ARHGEF10: variants seen among roughly 807,000 people sequenced by gnomAD.
ARHGEF10 encodes the protein Rho guanine nucleotide exchange factor (GEF) 10.
A neutral mutation model predicts 147.4 loss-of-function variants in ARHGEF10; 140 were observed. That is an observed-to-expected ratio of 0.95 (90% CI 0.83 to 1.09). The LOEUF (loss-of-function observed/expected upper bound fraction) is 1.09, where lower values mean the gene tolerates loss of function less well. Among genes scored for constraint, ARHGEF10 ranks in the 50% least tolerant of loss-of-function variants. ARHGEF10 has a pLI of 0.00. For missense variants in ARHGEF10, 2,222 were observed against 1,752.7 expected, an observed-to-expected ratio of 1.27 and a Z score of -4.78; for synonymous variants, 902 against 695.8, an observed-to-expected ratio of 1.30 and a Z score of -4.67.
At chr8:1,932,986 A>G (rs968644361) in intron 25 of ARHGEF10, among the ~76,000 whole-genome samples, 3 of 152,242 alleles carry the variant, frequency 2.0e-5, no homozygotes, top group Non-Finnish European at 4.4e-5. Flanking sequence ...GGATAATTAC[A>G]TTAGTCACTT....
chr8:1,889,702 T>G (rs1239878375), intron 11 of ARHGEF10, among the ~76,000 whole-genome samples: 1 of 83,876 alleles, frequency 1.2e-5, no homozygotes, highest in Non-Finnish European at 2.3e-5. Context: ...GGGGTGAAGG[T>G]TTGTGAGGAG....
At chr8:1,885,209 C>A (rs1250977385) in intron 10 of ARHGEF10, among the ~76,000 whole-genome samples, 1 of 152,172 alleles carries the variant, frequency 6.6e-6, no homozygotes, top group Non-Finnish European at 1.5e-5. Context: ...AATGACTGTT[C>A]TTAGCCATTC....
rs557828480 is a variant in ARHGEF10 at position 1,925,481 on chromosome 8, T to C, written c.2610+77T>C. 221 of 1,588,006 alleles carry C rather than the reference T, an allele frequency of 1.4e-4. 3 individuals carry two copies. In the South Asian group the frequency reaches 2.3e-3, roughly 16 times the overall value. Reference sequence around the variant, plus strand: ...GAATGGGCCACTTGGGAGATGATTCTTAAGGGGCGTGGTCAGAACATGGTC... The same window carrying C: ...GAATGGGCCACTTGGGAGATGATTCCTAAGGGGCGTGGTCAGAACATGGTC... On this transcript the variant is annotated intron_variant, in intron 22 of 28. Coordinates refer to ENST00000349830, the MANE Select transcript of ARHGEF10 (RefSeq NM_014629.4).
At position 1,909,424 on chromosome 8, in the gene ARHGEF10, C is replaced by G. The variant is rs150639767; in HGVS notation, c.2097C>G (p.Ala699=). 9.3e-6 allele frequency: 15 copies of G among 1,614,098 alleles called. No individual in the cohort carries two copies. Among genetic ancestry groups the G allele is most frequent in the Middle Eastern group, 1.6e-4 (1 of 6,062 alleles). The change falls in exon 18 of 29, where the codon GCC becomes GCG. Residue 699 remains alanine, a synonymous_variant. Transcript: ENST00000349830. ...CGGGCGAGCACAGCAGGCACCTTGC[C>G]GTTCACCCGCCGGAGAGCCTGGCCG... ...AGTGEHSRHL[A]VHPPESLAVV... is the part of the protein sequence containing the mutation.
At chr8:1,887,358 G>C (rs1808753280) in intron 11 of ARHGEF10, among the ~76,000 whole-genome samples, 1 of 152,280 alleles carries the variant, frequency 6.6e-6, no homozygotes, top group Admixed American at 6.5e-5. Context: ...ACAGCGGCCT[G>C]AGCTGAAGAC....
chr8:1,864,517 C>T (rs1214768224), intron 5 of ARHGEF10, 81 bp downstream of exon 5: 3 of 1,416,774 alleles, frequency 2.1e-6, no homozygotes, highest in East Asian at 2.3e-5. Flanking sequence ...TGGTGTGTGT[C>T]CCTGCCCGCC....
At position 1,954,912 on chromosome 8, in the gene ARHGEF10, C is replaced by T. The variant is rs145571007; in HGVS notation, c.3521-1837C>T. Among the ~76,000 whole-genome samples, 367 of 151,254 alleles carry T rather than the reference C, an allele frequency of 2.4e-3. 3 individuals are homozygous for T. Among genetic ancestry groups the T allele is most frequent in the African/African-American group, 8.5e-3 (346 of 40,516 alleles). On this transcript the variant is annotated intron_variant, in intron 28 of 28. Coordinates refer to ENST00000349830, the MANE Select transcript of ARHGEF10 (RefSeq NM_014629.4). Reference sequence around the variant, plus strand: ...TTTCCTCTCCCTGCCTGCAGCCTGCCTCTGAAAGGAGGTGCCCTCATTGCC... The same window carrying T: ...TTTCCTCTCCCTGCCTGCAGCCTGCTTCTGAAAGGAGGTGCCCTCATTGCC...
In ARHGEF10 at chr8:1,881,948, C is replaced by T. The variant is rs182065524; in HGVS notation, c.961-687C>T. ...GTTGGGTTTTTAAGGAATAAGAAAT[C>T]AGATGGCAGGAGACGCCTCAGACGC... On this transcript the variant is annotated intron_variant, in intron 9 of 28. Coordinates refer to ENST00000349830, the MANE Select transcript of ARHGEF10 (RefSeq NM_014629.4). Among the ~76,000 whole-genome samples, 89 of 152,316 alleles carry T rather than the reference C, an allele frequency of 5.8e-4. 1 individual carries two copies. Among genetic ancestry groups the T allele is most frequent in the African/African-American group, 2.1e-3 (87 of 41,574 alleles).
At chr8:1,951,392 G>A (rs1057450124) in intron 27 of ARHGEF10, among the ~76,000 whole-genome samples, 1 of 152,230 alleles carries the variant, frequency 6.6e-6, no homozygotes, top group South Asian at 2.1e-4. Context: ...AAGTCACGCC[G>A]ACCAGGCCAA....
At chr8:1,889,774 C>G (rs563981199) in intron 11 of ARHGEF10, among the ~76,000 whole-genome samples, 37 of 133,138 alleles carry the variant, frequency 2.8e-4, no homozygotes, top group African/African-American at 1.1e-3. Context: ...TGAGGAGACA[C>G]TGAGTGGGGT....
chr8:1,871,740 C>T (rs1344959070), intron 7 of ARHGEF10, among the ~76,000 whole-genome samples: 1 of 152,076 alleles, frequency 6.6e-6, no homozygotes, highest in African/African-American at 2.4e-5. Context: ...TTACTTGAAC[C>T]CGGGAGGTGG....
At chr8:1,835,451 T>G (rs34245274) in intron 1 of ARHGEF10, among the ~76,000 whole-genome samples, 1 of 151,954 alleles carries the variant, frequency 6.6e-6, no homozygotes, top group African/African-American at 2.4e-5. Context: ...GGCACAGGCT[T>G]CAGCCCTGCC....
In ARHGEF10 at chr8:1,893,752, A is replaced by G. The variant is rs181243718; in HGVS notation, c.1260+106A>G. 6.3e-4 allele frequency: 624 copies of G among 983,656 alleles called. 2 individuals carry two copies. Among genetic ancestry groups the G allele is most frequent in the Admixed American group, 8.2e-4 (40 of 48,844 alleles). 60.9% of individuals were successfully genotyped at this position (983,656 alleles called of 1,614,324 possible). A position where few individuals can be genotyped will look rare whatever the true frequency, so the allele number is the denominator to read the frequency against. On this transcript the variant is annotated intron_variant, in intron 12 of 28. Transcript: ENST00000349830. ...AGCATATATGTTTATGAAACATAACATGCAAATTTGCAAAATTCTCAAAAG... is the reference window on the plus strand; with the variant it reads ...AGCATATATGTTTATGAAACATAACGTGCAAATTTGCAAAATTCTCAAAAG...
chr8:1,894,233 C>T (rs1321368244), intron 12 of ARHGEF10, among the ~76,000 whole-genome samples, 160 bp from the exon 13 acceptor site: 1 of 151,758 alleles, frequency 6.6e-6, no homozygotes, highest in Non-Finnish European at 1.5e-5. Context: ...GCCTATAATC[C>T]CAGTTACTTG....
At chr8:1,823,699 C>T (rs1010156441), upstream of ARHGEF10, among the ~76,000 whole-genome samples, 1 of 151,674 alleles carries the variant, frequency 6.6e-6, no homozygotes, top group African/African-American at 2.4e-5. Context: ...AGGAGATGAT[C>T]CGGGGGCGGG....
intron 15 of ARHGEF10, among the ~76,000 whole-genome samples, chr8:1,899,523 C>G (rs1376068003): frequency 1.3e-5 from 2 of 152,142 alleles, no homozygotes; most frequent in East Asian, 3.8e-4. Flanking sequence ...CCAACCAAAT[C>G]CATGGCACAT....
At chr8:1,938,717 C>A (rs1383852170) in intron 26 of ARHGEF10, among the ~76,000 whole-genome samples, 1 of 152,124 alleles carries the variant, frequency 6.6e-6, no homozygotes, top group African/African-American at 2.4e-5. Context: ...AGGAGGACTG[C>A]TTGAGGCTAG....
intron 12 of ARHGEF10, among the ~76,000 whole-genome samples, chr8:1,893,895 C>A (rs1247004292): frequency 1.3e-5 from 2 of 152,004 alleles, no homozygotes; most frequent in African/African-American, 4.8e-5. Flanking sequence ...ATGTCTGGGC[C>A]AGGCTCGGTG....
intron 7 of ARHGEF10, 70 bp from the exon 8 acceptor site, chr8:1,876,501 A>G: frequency 6.7e-7 from 1 of 1,500,534 alleles, no homozygotes; most frequent in South Asian, 1.1e-5. Context: ...TGGTAAAACC[A>G]CAAACAGGCA....
Sources: allele counts gnomAD v4.1 joint callset (sites outside exome capture counted in the v4.1 genomes callset), GRCh38; gene constraint gnomAD v4.1.1; transcripts MANE v1.5; gene names NCBI Gene and HGNC (gene_info 2026-07-23, HGNC 2026-07-21).